The following TMEM71 variants were observed in gnomAD, a reference collection of about 807,000 sequenced individuals.
TMEM71 encodes the protein transmembrane protein 71.
Under a neutral mutation model 38.0 loss-of-function variants are expected in TMEM71, and 44 were observed. The observed-to-expected ratio is 1.16, with a 90% CI of 0.91 to 1.49. TMEM71 has a LOEUF of 1.49. TMEM71 is among the 40% of genes most tolerant of loss of function. The pLI, the probability that TMEM71 is intolerant of heterozygous loss-of-function variation, is 0.00. For synonymous variants in TMEM71, 133 were observed against 122.5 expected (o/e 1.09, Z -0.56); for missense variants, 367 against 348.6 (o/e 1.05, Z -0.42).
intron 6 of TMEM71, among the ~76,000 whole-genome samples, chr8:132,727,072 G>A (rs957686583): frequency 2.6e-5 from 4 of 151,650 alleles, no homozygotes; most frequent in South Asian, 4.2e-4. Context: ...GGCCAGGCTG[G>A]CCTCAAACTC....
intron 5 of TMEM71, among the ~76,000 whole-genome samples, chr8:132,738,583 C>G (rs1404725313): frequency 2.0e-5 from 3 of 152,168 alleles, no homozygotes; most frequent in Non-Finnish European, 4.4e-5. Flanking sequence ...TGCATCATCA[C>G]CCTGCTTAAG....
chr8:132,751,249 C>T (rs961392539), intron 4 of TMEM71, among the ~76,000 whole-genome samples: 2 of 152,182 alleles, frequency 1.3e-5, no homozygotes, highest in African/African-American at 2.4e-5. Flanking sequence ...TCCTACCAAA[C>T]TATTTGCTAT....
At chr8:132,716,185 G>A (rs1826519922) in intron 7 of TMEM71, among the ~76,000 whole-genome samples, 1 of 152,212 alleles carries the variant, frequency 6.6e-6, no homozygotes, top group Non-Finnish European at 1.5e-5. Flanking sequence ...AGGCTTGGAA[G>A]CGCCTGCTCC....
At chr8:132,762,519 A>G (rs948526527), upstream of TMEM71, among the ~76,000 whole-genome samples, 1 of 151,764 alleles carries the variant, frequency 6.6e-6, no homozygotes, top group Non-Finnish European at 1.5e-5. Flanking sequence ...TTAGAACCTT[A>G]TTATTAATGA....
upstream of TMEM71, among the ~76,000 whole-genome samples, chr8:132,762,509 T>C (rs184239643): frequency 2.0e-3 from 305 of 152,242 alleles, no homozygotes; most frequent in Non-Finnish European, 3.5e-3. Context: ...CTGGCACATA[T>C]TAGAACCTTA....
At chr8:132,760,187 G>GAAAAAA (rs35644928) in intron 1 of TMEM71, 3 of 149,090 alleles carry the variant, frequency 2.0e-5, no homozygotes. Flanking sequence ...GTAACAGTAG[G>GAAAAAA]AAAAAAAAAA....
chr8:132,769,041 T>C, the TMEM71 span, among the ~76,000 whole-genome samples: 1 of 152,268 alleles, frequency 6.6e-6, no homozygotes, highest in South Asian at 2.1e-4. Context: ...TTATCCCTTA[T>C]GCTCCCTGAA....
rs558977623 is a variant in TMEM71, at chr8:132,711,775, C to T, written c.873-793G>A. Among the ~76,000 whole-genome samples, 13 of 152,186 alleles carry T rather than the reference C, an allele frequency of 8.5e-5. No individual in the cohort carries two copies. In the South Asian group the frequency reaches 2.3e-3, roughly 27 times the overall value. ...TTATGAAAAGGGATATGATGTGAGC[C>T]GTGTGAGGTGCTAAAGAGGCACCTA... On this transcript the variant is annotated intron_variant, in intron 9 of 9. Coordinates refer to ENST00000677595, the MANE Select transcript of TMEM71 (RefSeq NM_001382403.1).
chr8:132,748,059 C>T (rs1828492640), intron 4 of TMEM71, among the ~76,000 whole-genome samples: 1 of 152,186 alleles, frequency 6.6e-6, no homozygotes, highest in South Asian at 2.1e-4. Context: ...AAGCCCTGTG[C>T]TGAGCACACT....
intron 2 of TMEM71, chr8:132,758,354 G>T (rs1226927358): frequency 6.3e-6 from 1 of 159,520 alleles, no homozygotes; most frequent in African/African-American, 2.4e-5. Context: ...GACAAAGAAA[G>T]GAATTTAGAC....
upstream of TMEM71, among the ~76,000 whole-genome samples, chr8:132,765,458 C>T (rs546907802): frequency 9.9e-5 from 15 of 152,232 alleles, no homozygotes; most frequent in African/African-American, 3.6e-4. Flanking sequence ...GTATACCCGG[C>T]AATGAGGGTA....
chr8:132,717,409 G>A (rs1373489364), intron 7 of TMEM71, among the ~76,000 whole-genome samples: 1 of 152,166 alleles, frequency 6.6e-6, no homozygotes, highest in East Asian at 1.9e-4. Context: ...AAACAGCCTG[G>A]TTTAAAAAGT....
At chr8:132,730,733 C>G (rs985094979) in intron 5 of TMEM71, among the ~76,000 whole-genome samples, 1 of 152,154 alleles carries the variant, frequency 6.6e-6, no homozygotes, top group African/African-American at 2.4e-5. Flanking sequence ...TATGGTCCAT[C>G]TAAGCCTTGA....
Position 132,758,911 on chromosome 8 carries a change from A to G in TMEM71, c.-32T>C, listed in dbSNP as rs768918643. The G allele has an allele frequency of 6.2e-7, 1 of 1,605,374 alleles. No individual in the cohort carries two copies. The highest frequency in any genetic ancestry group is 8.5e-7 in the Non-Finnish European group (1 of 1,172,340). On this transcript the variant is annotated 5_prime_UTR_variant, in exon 2 of 10. Coordinates refer to ENST00000677595, the MANE Select transcript of TMEM71 (RefSeq NM_001382403.1). Reference sequence around the variant, plus strand: ...AAGGCCGCTTGCTCAAACTTCACAGATTCTCTGCAAAAGATGTTAAAAAAA... The same window carrying G: ...AAGGCCGCTTGCTCAAACTTCACAGGTTCTCTGCAAAAGATGTTAAAAAAA...
chr8:132,751,195 C>T (rs1828690473), intron 4 of TMEM71, among the ~76,000 whole-genome samples: 1 of 152,218 alleles, frequency 6.6e-6, no homozygotes. Flanking sequence ...CTCCCATGCT[C>T]AGTCTTCTTT....
chr8:132,775,933 C>T, the TMEM71 span, among the ~76,000 whole-genome samples: 2 of 152,166 alleles, frequency 1.3e-5, no homozygotes, highest in Non-Finnish European at 2.9e-5. Flanking sequence ...GGCCTCACCT[C>T]CTCACCTTTT....
At chr8:132,743,436 A>G (rs1248251728) in intron 5 of TMEM71, among the ~76,000 whole-genome samples, 1 of 152,146 alleles carries the variant, frequency 6.6e-6, no homozygotes, top group Non-Finnish European at 1.5e-5. Context: ...ATGATTTGCC[A>G]TTGCTGAGTA....
chr8:132,769,418 G>A, the TMEM71 span, among the ~76,000 whole-genome samples: 1 of 152,088 alleles, frequency 6.6e-6, no homozygotes, highest in African/African-American at 2.4e-5. Context: ...TTTTCTTCCT[G>A]TTCCCTTACT....
chr8:132,727,104 G>A (rs971062536), intron 6 of TMEM71, among the ~76,000 whole-genome samples: 15 of 151,778 alleles, frequency 9.9e-5, no homozygotes, highest in South Asian at 4.2e-4. Context: ...TGTTCCACCC[G>A]CCTCAGCCTC....
Sources: allele counts gnomAD v4.1 joint callset (sites outside exome capture counted in the v4.1 genomes callset), GRCh38; gene constraint gnomAD v4.1.1; transcripts MANE v1.5; gene names NCBI Gene and HGNC (gene_info 2026-07-23, HGNC 2026-07-21).